Variants in KDM4B observed in about 807,000 individuals in gnomAD.
KDM4B encodes the protein lysine demethylase 4B.
Under a neutral mutation model 125.2 loss-of-function variants are expected in KDM4B, and 32 were observed. The observed-to-expected ratio is 0.26, with a 90% confidence interval of 0.19 to 0.34. The LOEUF (loss-of-function observed/expected upper bound fraction) is 0.34, where lower values mean the gene tolerates loss of function less well. Ranked by LOEUF, KDM4B falls within the 10% of genes least tolerant of loss-of-function variation. KDM4B has a pLI of 1.00. For missense variants in KDM4B, 1,190 were observed against 1,577.7 expected, an observed-to-expected ratio of 0.75 and a Z score of 4.16; for synonymous variants, 721 against 677.9, an observed-to-expected ratio of 1.06 and a Z score of -0.99.
At chr19:5,039,801 T>A (rs1388556469) in intron 3 of KDM4B, 35 bp from the exon 4 acceptor site, 1 of 1,602,452 alleles carries the variant, frequency 6.2e-7, no homozygotes, top group East Asian at 2.2e-5. Context: ...CCTGAGGGTC[T>A]GAGGGTGCCA....
intron 1 of KDM4B, among the ~76,000 whole-genome samples, chr19:4,989,933 G>C (rs1042276800): frequency 1.3e-5 from 2 of 152,206 alleles, no homozygotes; most frequent in Non-Finnish European, 2.9e-5. Context: ...GATTATAGGC[G>C]TGAGCCACGG....
chr19:5,141,758 CTGCTGAGAAGCTTCTCACCT>C lies in KDM4B; in HGVS notation c.2551-2208_2551-2189del. On this transcript the variant is annotated intron_variant, in intron 18 of 22. Coordinates refer to ENST00000159111, the MANE Select transcript of KDM4B (RefSeq NM_015015.3). This position sits in a 1 kb window ranked among gnomAD's most constrained non-coding sequence, Gnocchi z 6.4. Reference sequence around the variant, plus strand: ...TTATCACCACGTTCTCAAGGCCGTGCTGCTGAGAAGCTTCTCACCTACCGGCTGGGCAGGTTCCTGGCAGC... The same window carrying C: ...TTATCACCACGTTCTCAAGGCCGTGCACCGGCTGGGCAGGTTCCTGGCAGC... Among the ~76,000 whole-genome samples, 1 of 152,226 alleles carries C rather than the reference CTGCTGAGAAGCTTCTCACCT, an allele frequency of 6.6e-6. No homozygotes were observed. Among genetic ancestry groups the C allele is most frequent in the East Asian group, 1.9e-4 (1 of 5,184 alleles).
rs34497540 is a variant in KDM4B, at chr19:5,131,329, G to A, written c.1569G>A (p.Arg523=). The change falls in exon 12 of 23, where the codon CGG becomes CGA. Residue 523 remains arginine (R), a synonymous_variant. Transcript: ENST00000159111. The part of the protein sequence containing the change: ...VPSEELEAKP[R]PIIPMLYVVP... ...GTGAGGAGCTAGAGGCCAAGCCTCG[G>A]CCCATCATCCCCATGCTGTACGTGG... The A allele has an allele frequency of 5.0e-6, 8 of 1,612,142 alleles. No homozygotes were observed. In the African/African-American group the frequency reaches 9.4e-5, roughly 19 times the overall value.
intron 1 of KDM4B, among the ~76,000 whole-genome samples, chr19:4,988,794 C>T (rs570672298): frequency 6.6e-6 from 1 of 152,314 alleles, no homozygotes; most frequent in Non-Finnish European, 1.5e-5. Context: ...GGGAAGCTTC[C>T]ATCCCAGTCC....
chr19:5,085,468 CG>C (rs1406657051), intron 9 of KDM4B, among the ~76,000 whole-genome samples: 5 of 152,182 alleles, frequency 3.3e-5, no homozygotes, highest in Non-Finnish European at 7.3e-5. Context: ...GAAACTGCAG[CG>C]GGGCGGTGGG....
chr19:4,990,253 G>A (rs149576742), intron 1 of KDM4B, among the ~76,000 whole-genome samples: 8 of 152,316 alleles, frequency 5.3e-5, no homozygotes, highest in Non-Finnish European at 1.2e-4. Flanking sequence ...TTGCACCAGT[G>A]TGCTCCAGCC....
intron 9 of KDM4B, among the ~76,000 whole-genome samples, chr19:5,090,038 A>G (rs947464612): frequency 1.3e-5 from 2 of 152,172 alleles, no homozygotes; most frequent in African/African-American, 4.8e-5. Flanking sequence ...AAACACAAAA[A>G]CTGTGAAGAC....
chr19:5,139,515 C>A (rs767746951), intron 18 of KDM4B, among the ~76,000 whole-genome samples: 2 of 152,214 alleles, frequency 1.3e-5, no homozygotes, highest in African/African-American at 4.8e-5. Flanking sequence ...CTCTCCCTTG[C>A]GGCTGGACGG....
chr19:5,149,821 G>C (rs1007509933), intron 21 of KDM4B, among the ~76,000 whole-genome samples: 2 of 152,248 alleles, frequency 1.3e-5, no homozygotes, highest in African/African-American at 2.4e-5. Context: ...ATTTTTCTCT[G>C]AGTTGAAGGG....
At chr19:5,013,429 A>G (rs1329286900) in intron 1 of KDM4B, among the ~76,000 whole-genome samples, 1 of 152,154 alleles carries the variant, frequency 6.6e-6, no homozygotes, top group Non-Finnish European at 1.5e-5. Context: ...GGCCGCAGAC[A>G]CAGTGGCTGA....
chr19:5,032,377 G>GC (rs1013174228), intron 2 of KDM4B, among the ~76,000 whole-genome samples: 1 of 152,192 alleles, frequency 6.6e-6, no homozygotes, highest in Non-Finnish European at 1.5e-5. Context: ...CAGCCAGCCA[G>GC]CCCCCCGTGA....
chr19:5,005,399 T>C (rs556202095), intron 1 of KDM4B, among the ~76,000 whole-genome samples: 2 of 152,292 alleles, frequency 1.3e-5, no homozygotes, highest in Admixed American at 1.3e-4. Context: ...TGTCGTGTCA[T>C]TGGACTTGCT....
At chr19:5,055,425 T>G (rs1323182667) in intron 6 of KDM4B, among the ~76,000 whole-genome samples, 1 of 152,238 alleles carries the variant, frequency 6.6e-6, no homozygotes, top group East Asian at 1.9e-4. Flanking sequence ...CAAGCTCTCC[T>G]CCAGAGCCGT....
intron 2 of KDM4B, among the ~76,000 whole-genome samples, chr19:5,028,774 G>A (rs2036360276): frequency 6.6e-6 from 1 of 152,174 alleles, no homozygotes; most frequent in Non-Finnish European, 1.5e-5. Flanking sequence ...CATCCTGGTG[G>A]GAGTGAGGTG....
intron 8 of KDM4B, among the ~76,000 whole-genome samples, chr19:5,079,839 T>C (rs1452754778): frequency 7.4e-6 from 1 of 134,282 alleles, no homozygotes; most frequent in Non-Finnish European, 1.6e-5. Context: ...AATGCTGGGA[T>C]TACAGGTGTG....
intron 6 of KDM4B, among the ~76,000 whole-genome samples, chr19:5,058,761 T>C (rs1338044998): frequency 6.6e-6 from 1 of 152,124 alleles, no homozygotes; most frequent in Non-Finnish European, 1.5e-5. Flanking sequence ...GCGCTTCGGG[T>C]TGGAGTGGCA....
intron 6 of KDM4B, among the ~76,000 whole-genome samples, chr19:5,051,571 AC>A (rs2037224616): frequency 6.6e-6 from 1 of 152,212 alleles, no homozygotes; most frequent in Non-Finnish European, 1.5e-5. Context: ...AGCTGCTTGC[AC>A]TGGCTCCAAG....
At chr19:5,003,620 C>A (rs1317948587) in intron 1 of KDM4B, among the ~76,000 whole-genome samples, 1 of 151,904 alleles carries the variant, frequency 6.6e-6, no homozygotes, top group African/African-American at 2.4e-5. Flanking sequence ...ACCAGCCTGG[C>A]CAATATGGTG....
At chr19:5,102,103 C>T (rs879470020) in intron 9 of KDM4B, among the ~76,000 whole-genome samples, 12 of 152,132 alleles carry the variant, frequency 7.9e-5, no homozygotes, top group African/African-American at 1.7e-4. Flanking sequence ...GGCCATGAGG[C>T]GTGGGGTGCG....
Sources: gnomAD v4.1 joint callset for allele counts (sites outside exome capture counted in the v4.1 genomes callset) on GRCh38, gnomAD v4.1.1 for gene constraint, Gnocchi (gnomAD v3.1) non-coding constraint, MANE v1.5 for transcripts, NCBI Gene and HGNC (gene_info 2026-07-23, HGNC 2026-07-21) for gene names.